ARPP19: variants seen among roughly 807,000 people sequenced by gnomAD.
ARPP19 encodes cAMP-regulated phosphoprotein 19.
Under a neutral mutation model 12.0 loss-of-function variants are expected in ARPP19, and 8 were observed. The observed-to-expected ratio is 0.67, with a 90% CI of 0.39 to 1.21. The LOEUF (loss-of-function observed/expected upper bound fraction) is 1.21, where lower values mean the gene tolerates loss of function less well. ARPP19 is among the 50% of genes most tolerant of loss of function. ARPP19 has a pLI of 0.01. For missense variants in ARPP19, 102 were observed against 136.3 expected, an observed-to-expected ratio of 0.75 and a Z score of 1.25; for synonymous variants, 47 against 50.4, an observed-to-expected ratio of 0.93 and a Z score of 0.29.
chr15:52,569,229 T>G, upstream of ARPP19: 1 of 349,306 alleles, frequency 2.9e-6, no homozygotes, highest in Non-Finnish European at 5.2e-6. Context: ...TTCCTGGGAA[T>G]TGTAGTTTCT....
In ARPP19 at chr15:52,547,614, AAGTC is replaced by A. The variant is rs1453569718; in HGVS notation, c.*4316_*4319del. On this transcript the variant is annotated 3_prime_UTR_variant, in exon 3 of 3. Transcript: ENST00000249822. The stretch of plus-strand genomic sequence containing the variant: ...GTTGAAACTTAGTAAAACCGTATTA[AAGTC>A]AGTGTTTTTATTCTTAGATTAACAA... 2.0e-5 allele frequency: 3 copies of A among 152,248 alleles called. No homozygotes were observed. The highest frequency in any genetic ancestry group is 4.4e-5 in the Non-Finnish European group (3 of 68,050). 9.4% of individuals were successfully genotyped at this position (152,248 alleles called of 1,614,324 possible).
At chr15:52,557,460 T>C (rs2077991249) in intron 1 of ARPP19, 1 of 417,930 alleles carries the variant, frequency 2.4e-6, no homozygotes, top group African/African-American at 2.0e-5. Flanking sequence ...GATAAAAATA[T>C]CAAGATAGCT....
At chr15:52,562,232 C>T (rs1213578749) in intron 1 of ARPP19, among the ~76,000 whole-genome samples, 1 of 152,052 alleles carries the variant, frequency 6.6e-6, no homozygotes, top group Non-Finnish European at 1.5e-5. Context: ...TTACATCTAA[C>T]AATTAGGGAA....
chr15:52,564,578 T>C (rs1332099133), intron 1 of ARPP19, among the ~76,000 whole-genome samples: 1 of 152,214 alleles, frequency 6.6e-6, no homozygotes, highest in Non-Finnish European at 1.5e-5. Context: ...TAAAGGTTCT[T>C]TTCCTCTTCT....
At chr15:52,562,276 G>C (rs4776057) in intron 1 of ARPP19, among the ~76,000 whole-genome samples, 15,290 of 152,090 alleles carry the variant, frequency 0.1, 860 homozygotes, top group Middle Eastern at 0.16. Flanking sequence ...TGGAAAAACT[G>C]ACTAATACTA....
chr15:52,555,939 G>C (rs752012434), intron 2 of ARPP19, among the ~76,000 whole-genome samples: 6 of 151,894 alleles, frequency 4.0e-5, no homozygotes, highest in Non-Finnish European at 8.8e-5. Flanking sequence ...ACACTTAAAA[G>C]TTCCCTTTCA....
In ARPP19 at chr15:52,548,558, G is replaced by C. The variant is rs2077900367; in HGVS notation, c.*3376C>G. The C allele has an allele frequency of 6.6e-6, 1 of 152,290 alleles. No homozygotes were observed. Among genetic ancestry groups the C allele is most frequent in the Admixed American group, 6.6e-5 (1 of 15,266 alleles). The allele number at this position is 152,290 out of a possible 1,614,324, so 9.4% of individuals were successfully genotyped here. A position where few individuals can be genotyped will look rare whatever the true frequency, so the allele number is the denominator to read the frequency against. Reference sequence around the variant, plus strand: ...ATGAAATCTCATGATCTCCTGCTCTGTCCTGCCTGGGATGTGAATCACCCC... The same window carrying C: ...ATGAAATCTCATGATCTCCTGCTCTCTCCTGCCTGGGATGTGAATCACCCC... On this transcript the variant is annotated 3_prime_UTR_variant, in exon 3 of 3. Transcript: ENST00000249822.
chr15:52,564,196 G>A (rs1444037811), intron 1 of ARPP19: 2 of 1,532,282 alleles, frequency 1.3e-6, no homozygotes, highest in Non-Finnish European at 1.7e-6. Flanking sequence ...TTACCTCTAG[G>A]CTGTTAGGAA....
intron 2 of ARPP19, among the ~76,000 whole-genome samples, chr15:52,554,701 TTC>T (rs1181097644): frequency 4.6e-5 from 7 of 152,098 alleles, no homozygotes; most frequent in African/African-American, 1.4e-4. Flanking sequence ...TACAACTGGA[TTC>T]TCTGTTTTCT....
At chr15:52,554,182 A>G (rs1341111444) in intron 2 of ARPP19, among the ~76,000 whole-genome samples, 3 of 152,152 alleles carry the variant, frequency 2.0e-5, no homozygotes, top group Non-Finnish European at 2.9e-5. Flanking sequence ...TTTTCCCCCT[A>G]TGTAATAAAC....
intron 1 of ARPP19, among the ~76,000 whole-genome samples, chr15:52,560,601 A>C (rs1022561198): frequency 1.3e-5 from 2 of 152,246 alleles, no homozygotes; most frequent in Admixed American, 6.5e-5. Flanking sequence ...CACCATTAAG[A>C]CTTCCACAAA....
At chr15:52,567,195 T>C (rs1350595333) in intron 1 of ARPP19, among the ~76,000 whole-genome samples, 2 of 152,178 alleles carry the variant, frequency 1.3e-5, no homozygotes, top group Admixed American at 6.6e-5. Context: ...GAAGGAACAT[T>C]ATATTCCTAA....
At chr15:52,566,843 TTC>T (rs1313315747) in intron 1 of ARPP19, among the ~76,000 whole-genome samples, 2 of 152,254 alleles carry the variant, frequency 1.3e-5, no homozygotes, top group Admixed American at 6.5e-5. Flanking sequence ...TCTGGTTTTC[TTC>T]TCTTACCAAG....
In ARPP19 at chr15:52,551,669, G is replaced by A; in HGVS notation, c.*265C>T. ...ACTTGCTTGTTACTTGTTAGAACCA[G>A]TACTACACTAGAAGTTAGGTAATAT... On this transcript the variant is annotated 3_prime_UTR_variant, in exon 3 of 3. Coordinates refer to ENST00000249822, the MANE Select transcript of ARPP19 (RefSeq NM_006628.6). The A allele has an allele frequency of 2.8e-6, 1 of 353,398 alleles. No individual in the cohort carries two copies. Among genetic ancestry groups the A allele is most frequent in the Non-Finnish European group, 5.1e-6 (1 of 195,436 alleles). 21.9% of individuals were successfully genotyped at this position (353,398 alleles called of 1,614,324 possible). A position where few individuals can be genotyped will look rare whatever the true frequency, so the allele number is the denominator to read the frequency against.
chr15:52,558,565 G>A (rs1328719695), intron 1 of ARPP19, among the ~76,000 whole-genome samples: 2 of 151,646 alleles, frequency 1.3e-5, no homozygotes, highest in African/African-American at 4.8e-5. Flanking sequence ...CTAAGTAATG[G>A]ACTCATTTCT....
At chr15:52,560,770 G>C (rs2078024736) in intron 1 of ARPP19, among the ~76,000 whole-genome samples, 2 of 152,354 alleles carry the variant, frequency 1.3e-5, no homozygotes, top group East Asian at 1.9e-4. Context: ...TAAAAGGCAT[G>C]AGAGAAAGAA....
At chr15:52,556,221 T>C (rs574250236) in intron 2 of ARPP19, among the ~76,000 whole-genome samples, 1 of 152,110 alleles carries the variant, frequency 6.6e-6, no homozygotes, top group Non-Finnish European at 1.5e-5. Flanking sequence ...CCGATATCAG[T>C]ATATGAATGT....
chr15:52,549,362 A>T lies in ARPP19; in HGVS notation c.*2572T>A, dbSNP rs149053555. On this transcript the variant is annotated 3_prime_UTR_variant, in exon 3 of 3. Coordinates refer to ENST00000249822, the MANE Select transcript of ARPP19 (RefSeq NM_006628.6). Reference sequence around the variant, plus strand: ...AAACTGAGCTTTGAGGCAGAACAAAAAAAAAACAAAAATCTAAAACCTCTC... The same window carrying T: ...AAACTGAGCTTTGAGGCAGAACAAATAAAAAACAAAAATCTAAAACCTCTC... The T allele has an allele frequency of 3.8e-3, 576 of 152,696 alleles. No homozygotes were observed. Among genetic ancestry groups the T allele is most frequent in the Non-Finnish European group, 7.2e-3 (487 of 68,010 alleles). The allele number at this position is 152,696 out of a possible 1,614,324, so 9.5% of individuals were successfully genotyped here. A position where few individuals can be genotyped will look rare whatever the true frequency, so the allele number is the denominator to read the frequency against.
In ARPP19 at chr15:52,551,928, T is replaced by A; in HGVS notation, c.*6A>T. ...TTTAGCAGATTCATGCAGTTCAGCC[T>A]CTTAATCAGCCAGCCAGCTTGCTAG... is the stretch of plus-strand genomic sequence containing the variant. On this transcript the variant is annotated 3_prime_UTR_variant, in exon 3 of 3. Transcript: ENST00000249822. 3 of 1,608,944 alleles carry A rather than the reference T, an allele frequency of 1.9e-6. No individual in the cohort carries two copies. The highest frequency in any genetic ancestry group is 1.7e-4 in the Middle Eastern group (1 of 6,050).
Sources: gnomAD v4.1 joint callset for allele counts (sites outside exome capture counted in the v4.1 genomes callset) on GRCh38, gnomAD v4.1.1 for gene constraint, MANE v1.5 for transcripts, NCBI Gene and HGNC (gene_info 2026-07-23, HGNC 2026-07-21) for gene names.